PCDH9: variants seen among roughly 807,000 people sequenced by gnomAD.
PCDH9 encodes the protein protocadherin-9.
A neutral mutation model predicts 70.6 loss-of-function variants in PCDH9; 24 were observed. That is an observed-to-expected ratio of 0.34 (90% CI 0.25 to 0.48). PCDH9 has a LOEUF of 0.48. PCDH9 is among the 20% of genes least tolerant of loss of function. The pLI is 0.99. For synonymous variants in PCDH9, 562 were observed against 558.5 expected, an observed-to-expected ratio of 1.01 and a Z score of -0.09; for missense variants, 1,281 against 1,503.6, an observed-to-expected ratio of 0.85 and a Z score of 2.45.
chr13:66,622,342 C>T (rs992294504), intron 4 of PCDH9, among the ~76,000 whole-genome samples: 1 of 152,186 alleles, frequency 6.6e-6, no homozygotes, highest in Non-Finnish European at 1.5e-5. Context: ...AGGCCCACAG[C>T]GTGGGACTGG....
chr13:66,978,838 A>G (rs1419128401), intron 2 of PCDH9, among the ~76,000 whole-genome samples: 1 of 150,646 alleles, frequency 6.6e-6, no homozygotes, highest in Non-Finnish European at 1.5e-5. Flanking sequence ...ATGAATATGA[A>G]TGTATGTATA....
At chr13:66,558,672 C>T (rs1459586519) in intron 4 of PCDH9, among the ~76,000 whole-genome samples, 4 of 151,826 alleles carry the variant, frequency 2.6e-5, no homozygotes, top group African/African-American at 9.7e-5. Flanking sequence ...AAGTCAGAGC[C>T]TCAAGCAGAG....
At chr13:66,930,687 T>C (rs893914358) in intron 2 of PCDH9, among the ~76,000 whole-genome samples, 1 of 152,004 alleles carries the variant, frequency 6.6e-6, no homozygotes, top group East Asian at 1.9e-4. Context: ...TCTAGAGACA[T>C]ACAAGAATGT....
intron 2 of PCDH9, among the ~76,000 whole-genome samples, chr13:67,099,285 A>T (rs920246979): frequency 4.6e-5 from 7 of 152,194 alleles, no homozygotes; most frequent in African/African-American, 1.7e-4. Context: ...ACCATTCTCC[A>T]CATCCTTTTA....
chr13:66,570,275 AG>A (rs1333734879), intron 4 of PCDH9, among the ~76,000 whole-genome samples: 9 of 152,140 alleles, frequency 5.9e-5, no homozygotes, highest in Non-Finnish European at 1.3e-4. Flanking sequence ...TGTGGAGAGC[AG>A]TGGGAAACAG....
intron 4 of PCDH9, among the ~76,000 whole-genome samples, chr13:66,346,326 AC>A (rs2138157826): frequency 6.6e-6 from 1 of 152,344 alleles, no homozygotes; most frequent in East Asian, 1.9e-4. Flanking sequence ...CGAGCACACA[AC>A]CACGGAAACG....
At chr13:66,671,833 A>G (rs2078179364) in intron 3 of PCDH9, among the ~76,000 whole-genome samples, 1 of 152,256 alleles carries the variant, frequency 6.6e-6, no homozygotes, top group Non-Finnish European at 1.5e-5. Flanking sequence ...GAAGCAGAGC[A>G]TAACAGTTTG....
At chr13:66,760,291 T>A (rs2079603701) in intron 3 of PCDH9, among the ~76,000 whole-genome samples, 1 of 152,180 alleles carries the variant, frequency 6.6e-6, no homozygotes, top group Non-Finnish European at 1.5e-5. Context: ...ATTTGTCTTT[T>A]ATCTTTGAAA....
intron 4 of PCDH9, among the ~76,000 whole-genome samples, chr13:66,597,051 T>C (rs2077112745): frequency 6.6e-6 from 1 of 151,642 alleles, no homozygotes; most frequent in African/African-American, 2.4e-5. Context: ...ATAAACCTTT[T>C]CTCATTATAA....
chr13:66,826,302 A>C (rs904219498), intron 3 of PCDH9, among the ~76,000 whole-genome samples: 1 of 152,148 alleles, frequency 6.6e-6, no homozygotes, highest in African/African-American at 2.4e-5. Flanking sequence ...AGGATTCCCT[A>C]GTTTTTGGTT....
At chr13:67,091,107 C>T (rs1179703481) in intron 2 of PCDH9, among the ~76,000 whole-genome samples, 2 of 152,018 alleles carry the variant, frequency 1.3e-5, no homozygotes, top group Non-Finnish European at 2.9e-5. Flanking sequence ...TCAGTGCTTC[C>T]TAAAATGTTT....
chr13:66,472,220 AAAAAAAAG>A (rs1429197283), intron 4 of PCDH9, among the ~76,000 whole-genome samples: 1 of 151,166 alleles, frequency 6.6e-6, no homozygotes, highest in Non-Finnish European at 1.5e-5. Context: ...TCAAAAAAAA[AAAAAAAAG>A]AAAAAAGAAA....
At chr13:67,083,279 A>G (rs1031254860) in intron 2 of PCDH9, among the ~76,000 whole-genome samples, 1 of 152,192 alleles carries the variant, frequency 6.6e-6, no homozygotes. Context: ...TATTTTAATC[A>G]TGTTACAATA....
chr13:66,979,958 G>A (rs1006427068), intron 2 of PCDH9, among the ~76,000 whole-genome samples: 7 of 151,610 alleles, frequency 4.6e-5, no homozygotes, highest in Non-Finnish European at 1.0e-4. Context: ...TTTAACTACT[G>A]ACTGATGAAA....
intron 4 of PCDH9, among the ~76,000 whole-genome samples, chr13:66,377,289 C>T (rs575611951): frequency 5.9e-5 from 9 of 152,152 alleles, no homozygotes; most frequent in Admixed American, 5.2e-4. Flanking sequence ...ACCTGGGGGG[C>T]TTGTTAAAAC....
At chr13:66,754,294 T>G (rs2079507154) in intron 3 of PCDH9, among the ~76,000 whole-genome samples, 2 of 152,046 alleles carry the variant, frequency 1.3e-5, no homozygotes. Flanking sequence ...GGTTGATGGG[T>G]GCAGCAAACC....
intron 2 of PCDH9, among the ~76,000 whole-genome samples, chr13:67,052,747 G>A (rs1266744635): frequency 6.6e-6 from 1 of 152,212 alleles, no homozygotes; most frequent in Non-Finnish European, 1.5e-5. Flanking sequence ...CATGAGATAT[G>A]TATTAGGCAG....
At chr13:67,199,982 G>A (rs957668287) in intron 2 of PCDH9, among the ~76,000 whole-genome samples, 1 of 151,928 alleles carries the variant, frequency 6.6e-6, no homozygotes, top group Admixed American at 6.6e-5. Context: ...AACCAAACTA[G>A]CAAATAGGGC....
chr13:66,931,827 GGT>G (rs1316702830), intron 2 of PCDH9, among the ~76,000 whole-genome samples: 2 of 152,046 alleles, frequency 1.3e-5, no homozygotes, highest in African/African-American at 4.8e-5. Context: ...ATGACAATAT[GGT>G]TACCAATCAG....
Sources: allele counts gnomAD v4.1 joint callset (sites outside exome capture counted in the v4.1 genomes callset), GRCh38; gene constraint gnomAD v4.1.1; transcripts MANE v1.5; gene names NCBI Gene and HGNC (gene_info 2026-07-23, HGNC 2026-07-21).